PLEKHG5: variants seen among roughly 807,000 people sequenced by gnomAD.
PLEKHG5 encodes pleckstrin homology domain-containing family G member 5.
A neutral mutation model predicts 103.8 loss-of-function variants in PLEKHG5; 52 were observed. The observed-to-expected ratio is 0.50, with a 90% CI of 0.40 to 0.63. The LOEUF is 0.63. PLEKHG5 is among the 30% of genes least tolerant of loss of function. PLEKHG5 has a pLI of 0.00. For synonymous variants in PLEKHG5, 592 were observed against 575.5 expected (o/e 1.03, Z -0.41); for missense variants, 1,205 against 1,347.6 (o/e 0.89, Z 1.66).
chr1:6,483,314 G>A (rs1644946613), intron 1 of PLEKHG5, among the ~76,000 whole-genome samples: 1 of 152,098 alleles, frequency 6.6e-6, no homozygotes, highest in African/African-American at 2.4e-5. Context: ...AGGCAGCCTT[G>A]AGCACCAGGT....
upstream of PLEKHG5, among the ~76,000 whole-genome samples, chr1:6,498,029 G>A (rs908824091): frequency 1.5e-5 from 2 of 129,886 alleles, no homozygotes; most frequent in Non-Finnish European, 3.2e-5. Context: ...GGGCACCGCC[G>A]CCCTGACTTC....
chr1:6,509,826 C>T (rs1638425927), intron 1 of PLEKHG5, among the ~76,000 whole-genome samples: 2 of 152,208 alleles, frequency 1.3e-5, no homozygotes, highest in African/African-American at 2.4e-5. Flanking sequence ...CCACAAGACC[C>T]TGCACGCACA....
rs1010441599 is a variant in PLEKHG5, at chr1:6,501,869, G to A, written c.-164-5300C>T. ...ACACAAGTGCATGGAAAACCACCTCGTTCTCATTTTCTCCAGGGTAGCCCC... is the reference window on the plus strand; with the variant it reads ...ACACAAGTGCATGGAAAACCACCTCATTCTCATTTTCTCCAGGGTAGCCCC... On this transcript the variant is annotated intron_variant, in intron 1 of 21. Transcript: ENST00000377740. This position sits in a 1 kb window ranked among gnomAD's most constrained non-coding sequence, Gnocchi z 4.3. Among the ~76,000 whole-genome samples the A allele has an allele frequency of 2.6e-5, 4 of 152,144 alleles. No individual in the cohort carries two copies. The highest frequency in any genetic ancestry group is 2.1e-4 in the South Asian group (1 of 4,828).
exon 1 of PLEKHG5, chr1:6,496,696 C>T (rs1645230804): frequency 1.5e-6 from 1 of 649,952 alleles, no homozygotes; most frequent in Admixed American, 3.7e-5. Context: ...GGTCAGCGTC[C>T]CTTTCTCTTT....
At chr1:6,504,114 T>C (rs1036043525) in intron 1 of PLEKHG5, among the ~76,000 whole-genome samples, 3 of 152,214 alleles carry the variant, frequency 2.0e-5, no homozygotes, top group Non-Finnish European at 4.4e-5. Context: ...GTCAAGTCTC[T>C]GGCTCTGTTG....
In PLEKHG5 at chr1:6,490,652, C is replaced by A; in HGVS notation, c.-88+985G>T. 3 of 964,424 alleles carry A rather than the reference C, an allele frequency of 3.1e-6. No individual in the cohort carries two copies. The highest frequency in any genetic ancestry group is 3.7e-6 in the Non-Finnish European group (3 of 810,972). 59.7% of individuals were successfully genotyped at this position (964,424 alleles called of 1,614,324 possible). A position where few individuals can be genotyped will look rare whatever the true frequency, so the allele number is the denominator to read the frequency against. On this transcript the variant is annotated intron_variant, in intron 1 of 20. Coordinates refer to ENST00000377728, the MANE Select transcript of PLEKHG5 (RefSeq NM_020631.6). The surrounding 1 kb of genome is among the most constrained non-coding windows in gnomAD (Gnocchi z 8.0). ...ACCTGGACCGGCCGGGATGTACCAA[C>A]GGCGCCGCCCGGCTGGGACCGGGGA...
chr1:6,502,432 G>GC (rs931590019), intron 1 of PLEKHG5, among the ~76,000 whole-genome samples: 38 of 152,324 alleles, frequency 2.5e-4, no homozygotes, highest in Admixed American at 3.3e-4. Flanking sequence ...GCTGAACACA[G>GC]CCCTACCCAC....
intron 1 of PLEKHG5, chr1:6,519,423 A>G: frequency 6.3e-7 from 1 of 1,592,318 alleles, no homozygotes; most frequent in Non-Finnish European, 8.6e-7. Flanking sequence ...TTCTAGACAA[A>G]AGAGATAGAA....
At chr1:6,484,265 C>T (rs527255859) in intron 1 of PLEKHG5, among the ~76,000 whole-genome samples, 1 of 152,320 alleles carries the variant, frequency 6.6e-6, no homozygotes, top group African/African-American at 2.4e-5. Context: ...AGTTTCCCTG[C>T]TGTGATGGTC....
upstream of PLEKHG5, among the ~76,000 whole-genome samples, chr1:6,498,629 G>A (rs1433204179): frequency 6.6e-6 from 1 of 152,166 alleles, no homozygotes; most frequent in Non-Finnish European, 1.5e-5. Context: ...CATGACCCTG[G>A]GGAGGGGGCT....
chr1:6,489,078 G>A (rs1038384899), intron 1 of PLEKHG5, among the ~76,000 whole-genome samples: 4 of 152,184 alleles, frequency 2.6e-5, no homozygotes, highest in Admixed American at 1.3e-4. Context: ...AGGCTCTGCC[G>A]ACAGCAGACG....
intron 1 of PLEKHG5, among the ~76,000 whole-genome samples, chr1:6,504,372 C>A (rs1288044004): frequency 6.6e-6 from 1 of 152,116 alleles, no homozygotes; most frequent in African/African-American, 2.4e-5. Context: ...GTCCTGCCCT[C>A]CCTGCCTTCT....
At chr1:6,508,793 C>T (rs2148635614) in intron 1 of PLEKHG5, among the ~76,000 whole-genome samples, 2 of 152,354 alleles carry the variant, frequency 1.3e-5, no homozygotes. Flanking sequence ...ATCTCCAATC[C>T]ACACTTCATC....
chr1:6,479,056 C>T (rs1430754646), intron 1 of PLEKHG5, among the ~76,000 whole-genome samples: 1 of 152,096 alleles, frequency 6.6e-6, no homozygotes, highest in East Asian at 1.9e-4. Flanking sequence ...CTCCCATTCT[C>T]TTCTCGGCAC....
chr1:6,474,590 G>A lies in PLEKHG5; in HGVS notation c.303-3C>T, dbSNP rs781384419. On this transcript the variant is annotated splice_region_variant and splice_polypyrimidine_tract_variant and intron_variant, in intron 5 of 20. Transcript: ENST00000377728. ...CAAATACAGGCAGCAGCACCTCCCT[G>A]CCCCCAGGACAGGAGGCATGTGTGT... The A allele has an allele frequency of 6.2e-7, 1 of 1,613,312 alleles. No individual in the cohort carries two copies. Among genetic ancestry groups the A allele is most frequent in the Non-Finnish European group, 8.5e-7 (1 of 1,179,898 alleles).
Position 6,474,055 on chromosome 1 carries a change from C to T in PLEKHG5, c.549G>A (p.Glu183=). ...CCCGGCGGCTCTGGGCGTCCACACG[C>T]TCCAGGGCGGGGGGCCCGGTCCCAG... ...RPAGTGPPAL[E]RVDAQSRRES... The change falls in exon 7 of 21, where the codon GAG becomes GAA. Residue 183 remains glutamate, a synonymous_variant. Transcript: ENST00000377728. 6.2e-7 allele frequency: 1 copy of T among 1,611,788 alleles called. No individual in the cohort carries two copies.
upstream of PLEKHG5, chr1:6,496,529 C>T (rs1557765805): frequency 1.9e-6 from 3 of 1,603,496 alleles, no homozygotes; most frequent in Admixed American, 5.1e-5. Context: ...AGGCGGGGTT[C>T]TGACAGCGCA....
At chr1:6,497,092 G>A (rs1569978811), upstream of PLEKHG5, 4 of 1,479,330 alleles carry the variant, frequency 2.7e-6, no homozygotes, top group Non-Finnish European at 3.6e-6. This position sits in a 1 kb window ranked among gnomAD's most constrained non-coding sequence, Gnocchi z 6.1. Context: ...GGAGTGCACC[G>A]CGGTGGGGGC....
upstream of PLEKHG5, among the ~76,000 whole-genome samples, chr1:6,495,439 G>A (rs1645211087): frequency 6.6e-6 from 1 of 152,180 alleles, no homozygotes; most frequent in Admixed American, 6.5e-5. Flanking sequence ...GGTGGGGGGT[G>A]GCATTTTACA....
Sources: gnomAD v4.1 joint callset for allele counts (sites outside exome capture counted in the v4.1 genomes callset) on GRCh38, gnomAD v4.1.1 for gene constraint, Gnocchi (gnomAD v3.1) non-coding constraint, MANE v1.5 for transcripts, NCBI Gene and HGNC (gene_info 2026-07-23, HGNC 2026-07-21) for gene names.